Variants in LRRC40 observed in about 807,000 individuals in gnomAD.
The protein encoded by LRRC40 is leucine-rich repeat-containing protein 40.
A neutral mutation model predicts 72.8 loss-of-function variants in LRRC40; 76 were observed. That is an observed-to-expected ratio of 1.04 (90% CI 0.87 to 1.26). LRRC40 has a LOEUF of 1.26. Among genes scored for constraint, LRRC40 ranks in the 50% most tolerant of loss-of-function variants. The pLI, the probability that LRRC40 is intolerant of heterozygous loss-of-function variation, is 0.00. For missense variants in LRRC40, 684 were observed against 698.9 expected (o/e 0.98, Z 0.24); for synonymous variants, 243 against 254.2 (o/e 0.96, Z 0.42).
At chr1:70,198,732 T>G (rs934337886) in intron 1 of LRRC40, among the ~76,000 whole-genome samples, 9 of 152,192 alleles carry the variant, frequency 5.9e-5, no homozygotes, top group African/African-American at 2.2e-4. Flanking sequence ...ACATATTAAT[T>G]AATAGTAGTC....
intron 7 of LRRC40, among the ~76,000 whole-genome samples, chr1:70,174,468 G>T (rs190153063): frequency 9.5e-4 from 145 of 152,122 alleles, no homozygotes; most frequent in African/African-American, 3.5e-3. Flanking sequence ...TGAAAATAAT[G>T]TCCACACAGA....
At position 70,205,555 on chromosome 1, in the gene LRRC40, G is replaced by A. The variant is rs372237428; in HGVS notation, c.-15C>T. ...AGGCGCGACATGTTCAAAGTCCTAG[G>A]TCCAGAAGCTGCAGCCCCACCCGTG... On this transcript the variant is annotated 5_prime_UTR_variant, in exon 1 of 15. Transcript: ENST00000370952. The A allele has an allele frequency of 1.3e-6, 2 of 1,576,156 alleles. No individual in the cohort carries two copies. The highest frequency in any genetic ancestry group is 1.1e-5 in the South Asian group (1 of 88,486).
At chr1:70,182,757 C>A (rs1014106310) in intron 4 of LRRC40, among the ~76,000 whole-genome samples, 3 of 151,894 alleles carry the variant, frequency 2.0e-5, no homozygotes, top group Non-Finnish European at 4.4e-5. Flanking sequence ...AGTTTTTATA[C>A]AAGTTTAAGA....
At chr1:70,175,745 A>C in intron 7 of LRRC40, 65 bp downstream of exon 7, 13 of 1,201,740 alleles carry the variant, frequency 1.1e-5, no homozygotes, top group Non-Finnish European at 1.3e-5. Context: ...TTTAACAAAT[A>C]TTTCAAATTA....
At chr1:70,153,514 C>CT (rs528832358) in intron 11 of LRRC40, among the ~76,000 whole-genome samples, 1 of 151,930 alleles carries the variant, frequency 6.6e-6, no homozygotes, top group Admixed American at 6.6e-5. Flanking sequence ...CTTGATAAAA[C>CT]TTTTTTTGAT....
At chr1:70,172,249 T>C (rs747518782) in intron 9 of LRRC40, among the ~76,000 whole-genome samples, 1 of 152,196 alleles carries the variant, frequency 6.6e-6, no homozygotes, top group Non-Finnish European at 1.5e-5. Flanking sequence ...TCTAGAACCA[T>C]GAGCAATAAA....
At chr1:70,176,404 T>G (rs2100294690) in intron 6 of LRRC40, among the ~76,000 whole-genome samples, 1 of 151,736 alleles carries the variant, frequency 6.6e-6, no homozygotes, top group South Asian at 2.1e-4. Context: ...TGGTGGAGCG[T>G]GCCTGTAGTC....
rs926423213 is a variant in LRRC40 at position 70,155,705 on chromosome 1, A to G, written c.1312T>C (p.Cys438Arg). Residue 438 changes from cysteine to arginine, a missense_variant, in exon 11 of 15, where the codon TGT becomes CGT. Physicochemically the swap from Cys to Arg is radical, Grantham distance 180 (BLOSUM62 -3). Transcript: ENST00000370952. ...TSINFSKNQLCEIPKRMVELK... is the reference protein window; with the variant it reads ...TSINFSKNQLREIPKRMVELK... ...AGTTCTTACCTTTTTGGAATTTCAC[A>G]TAGTTGATTCTTACTGAAGTTAATA... is the stretch of plus-strand genomic sequence containing the variant. 1 of 1,532,882 alleles carries G rather than the reference A, an allele frequency of 6.5e-7. No homozygotes were observed. 95.0% of individuals were successfully genotyped at this position (1,532,882 alleles called of 1,614,324 possible).
chr1:70,145,665 G>C lies in LRRC40; in HGVS notation c.*135C>G. 2.0e-6 allele frequency: 1 copy of C among 499,204 alleles called. No individual in the cohort carries two copies. Among genetic ancestry groups the C allele is most frequent in the East Asian group, 3.1e-5 (1 of 32,118 alleles). 30.9% of individuals were successfully genotyped at this position (499,204 alleles called of 1,614,324 possible). On this transcript the variant is annotated 3_prime_UTR_variant, in exon 15 of 15. Coordinates refer to ENST00000370952, the MANE Select transcript of LRRC40 (RefSeq NM_017768.5). ...ATGGCCCAGGCTAATTATACCAACA[G>C]GTAGGTGATACTGGGAAACTACAAG...
intron 10 of LRRC40, among the ~76,000 whole-genome samples, chr1:70,158,234 G>A (rs1329359899): frequency 6.6e-6 from 1 of 151,614 alleles, no homozygotes; most frequent in African/African-American, 2.4e-5. Context: ...ATTTCTAAGA[G>A]TGGCAGGCAA....
chr1:70,160,223 C>G (rs1479171771), intron 9 of LRRC40, among the ~76,000 whole-genome samples: 1 of 152,126 alleles, frequency 6.6e-6, no homozygotes, highest in Non-Finnish European at 1.5e-5. Flanking sequence ...CACATAAGAG[C>G]AGAAGGCACG....
At chr1:70,170,194 C>T (rs575992891) in intron 9 of LRRC40, among the ~76,000 whole-genome samples, 1 of 152,122 alleles carries the variant, frequency 6.6e-6, no homozygotes, top group East Asian at 1.9e-4. Context: ...TTGACAAAAA[C>T]TCAACAACTC....
rs764035748 is a variant in LRRC40 at position 70,173,453 on chromosome 1, A to T, written c.1111+12T>A. The T allele has an allele frequency of 1.3e-6, 2 of 1,575,752 alleles. No individual in the cohort carries two copies. The highest frequency in any genetic ancestry group is 1.7e-5 in the Admixed American group (1 of 59,462). Reference sequence around the variant, plus strand: ...TGAATCCTTCAAAATATAAGAGAACATTTTAAAGTACCTTTGATCTTGCTT... The same window carrying T: ...TGAATCCTTCAAAATATAAGAGAACTTTTTAAAGTACCTTTGATCTTGCTT... On this transcript the variant is annotated intron_variant, in intron 9 of 14. Transcript: ENST00000370952.
At chr1:70,173,372 A>G (rs1668037982) in intron 9 of LRRC40, 93 bp downstream of exon 9, 3 of 868,124 alleles carry the variant, frequency 3.5e-6, no homozygotes, top group Non-Finnish European at 1.9e-6. Flanking sequence ...ACTTCCAAAT[A>G]TGTATACCCA....
intron 11 of LRRC40, among the ~76,000 whole-genome samples, chr1:70,152,773 T>C (rs1317858406): frequency 6.6e-6 from 1 of 152,200 alleles, no homozygotes; most frequent in Non-Finnish European, 1.5e-5. Flanking sequence ...TTTGGCTTTA[T>C]ATATACATTA....
rs779018116 is a variant in LRRC40, at chr1:70,181,146, G to A, written c.601C>T (p.Arg201Ter). ...AGTTCATTACTAGAAAGATTGAGTC[G>A]CACCAGACTGGACAGAGAAGAAAAA... ...ASFSSLSSLV[R>*]LNLSSNELKS... The change falls in exon 5 of 15, where the codon CGA (arginine) becomes TGA (stop). Residue 201 changes from arginine to a stop codon, truncating the protein, a stop_gained. Transcript: ENST00000370952. LOFTEE classifies it high-confidence loss of function. 30 of 1,599,890 alleles carry A rather than the reference G, an allele frequency of 1.9e-5. No homozygotes were observed. Among genetic ancestry groups the A allele is most frequent in the African/African-American group, 2.7e-5 (2 of 74,204 alleles).
chr1:70,179,289 C>T (rs1183117675), intron 5 of LRRC40, among the ~76,000 whole-genome samples: 2 of 152,022 alleles, frequency 1.3e-5, no homozygotes, highest in Non-Finnish European at 2.9e-5. Flanking sequence ...CAAGACCAGC[C>T]TGGGCAACAT....
intron 1 of LRRC40, among the ~76,000 whole-genome samples, chr1:70,197,301 T>A (rs962984720): frequency 8.6e-5 from 13 of 151,994 alleles, no homozygotes; most frequent in South Asian, 2.1e-4. Context: ...ATTTTATTTT[T>A]TTTTGAGAGC....
intron 13 of LRRC40, 77 bp from the exon 14 acceptor site, chr1:70,148,749 T>G: frequency 1.2e-6 from 1 of 863,728 alleles, no homozygotes; most frequent in Non-Finnish European, 1.7e-6. Flanking sequence ...TTATCTTAAA[T>G]TTGACATGAC....
Sources: allele counts gnomAD v4.1 joint callset (sites outside exome capture counted in the v4.1 genomes callset), GRCh38; gene constraint gnomAD v4.1.1; transcripts MANE v1.5; gene names NCBI Gene and HGNC (gene_info 2026-07-23, HGNC 2026-07-21).